PLAC1: variants seen among roughly 807,000 people sequenced by gnomAD.
PLAC1 encodes placenta-specific protein 1.
For missense variants in PLAC1, 136 were observed against 163.2 expected (o/e 0.83, Z 0.91); for synonymous variants, 68 against 62.1 (o/e 1.09, Z -0.44).
chrX:134,732,397 C>T (rs764662096), intron 2 of PLAC1, among the ~76,000 whole-genome samples: 1 of 111,665 alleles, frequency 9.0e-6, no homozygotes, highest in Admixed American at 9.5e-5. Context: ...AAGTTCCAGG[C>T]CTGCCAGATC....
At chrX:134,650,950 G>A (rs182324547) in intron 1 of PLAC1, 22 of 211,928 alleles carry the variant, frequency 1.0e-4, no homozygotes, top group Non-Finnish European at 1.5e-4. Context: ...GCTCAGCTCA[G>A]GGAGCTGAAT....
At chrX:134,666,004 A>G (rs1009075400) in intron 2 of PLAC1, among the ~76,000 whole-genome samples, 9 of 110,932 alleles carry the variant, frequency 8.1e-5, no homozygotes, top group African/African-American at 3.0e-4. Flanking sequence ...AAGTAACCAC[A>G]CTCCTTTCAG....
chrX:134,629,891 A>AAATTCTC (rs2078252120), intron 1 of PLAC1, among the ~76,000 whole-genome samples: 2 of 111,471 alleles, frequency 1.8e-5, no homozygotes, highest in Admixed American at 1.9e-4. Context: ...TTTGGACCAA[A>AAATTCTC]AATTCTCACC....
intron 1 of PLAC1, among the ~76,000 whole-genome samples, chrX:134,760,659 A>G (rs2147855023): frequency 9.0e-6 from 1 of 111,061 alleles, no homozygotes; most frequent in East Asian, 2.8e-4. Context: ...GTTAAGGTAC[A>G]TAACAATACC....
At chrX:134,646,826 C>A (rs1569396586) in intron 1 of PLAC1, among the ~76,000 whole-genome samples, 1 of 112,127 alleles carries the variant, frequency 8.9e-6, no homozygotes, top group Non-Finnish European at 1.9e-5. Context: ...AGAGTGCCGA[C>A]TGTGCAGGGA....
intron 2 of PLAC1, among the ~76,000 whole-genome samples, chrX:134,574,055 TTC>T (rs1329519488): frequency 1.9e-5 from 2 of 105,155 alleles, no homozygotes; most frequent in Non-Finnish European, 3.9e-5. Context: ...AAGATAAATT[TTC>T]TCTCTCTCTC....
At chrX:134,762,035 A>G (rs1484975525) in intron 1 of PLAC1, among the ~76,000 whole-genome samples, 4 of 111,540 alleles carry the variant, frequency 3.6e-5, no homozygotes, top group Non-Finnish European at 7.5e-5. Flanking sequence ...CACAAACGCA[A>G]TCAACCCAAG....
chrX:134,689,632 A>G lies in PLAC1; in HGVS notation n.174+43803T>C, dbSNP rs760790597. ...ACTGACAGAGTTGGGAGACCTGGATATCAGTACTGGCCCTGCCACTGACTC... is the reference window on the plus strand; with the variant it reads ...ACTGACAGAGTTGGGAGACCTGGATGTCAGTACTGGCCCTGCCACTGACTC... On this transcript the variant is annotated intron_variant and non_coding_transcript_variant, in intron 2 of 2. Transcript: ENST00000466797. Among the ~76,000 whole-genome samples, 3 of 111,511 alleles carry G rather than the reference A, an allele frequency of 2.7e-5. No individual in the cohort carries two copies. The South Asian group carries it at 1.2e-3, about 43-fold the overall frequency.
At chrX:134,577,289 TG>T (rs1412662345) in intron 2 of PLAC1, among the ~76,000 whole-genome samples, 2 of 111,353 alleles carry the variant, frequency 1.8e-5, no homozygotes, top group African/African-American at 6.5e-5. Flanking sequence ...AAACCTAGAG[TG>T]AAACTAAGAT....
chrX:134,736,875 G>C (rs1254047942), intron 1 of PLAC1, among the ~76,000 whole-genome samples: 1 of 112,230 alleles, frequency 8.9e-6, no homozygotes, highest in African/African-American at 3.2e-5. Context: ...GTGGACACCA[G>C]GACACCACAA....
intron 2 of PLAC1, among the ~76,000 whole-genome samples, chrX:134,581,225 C>T (rs930735757): frequency 9.0e-6 from 1 of 111,246 alleles, no homozygotes; most frequent in East Asian, 2.8e-4. Flanking sequence ...AATCAATGGG[C>T]AATGTCTCAT....
At chrX:134,568,107 TC>T (rs1372291387) in intron 2 of PLAC1, among the ~76,000 whole-genome samples, 1 of 111,961 alleles carries the variant, frequency 8.9e-6, no homozygotes, top group Non-Finnish European at 1.9e-5. Flanking sequence ...AGCAACATCA[TC>T]CAATGTTTTC....
intron 1 of PLAC1, among the ~76,000 whole-genome samples, chrX:134,611,668 T>C (rs1037383701): frequency 9.1e-6 from 1 of 110,190 alleles, no homozygotes; most frequent in African/African-American, 3.3e-5. Flanking sequence ...CGCAAAAGAA[T>C]GAATAAGAGT....
intron 2 of PLAC1, among the ~76,000 whole-genome samples, chrX:134,667,124 G>T (rs1314681048): frequency 1.8e-5 from 2 of 112,013 alleles, no homozygotes; most frequent in African/African-American, 6.5e-5. Context: ...GACACCAAAA[G>T]CACAAGCAAC....
At chrX:134,657,305 T>G (rs765973261) in intron 1 of PLAC1, among the ~76,000 whole-genome samples, 2 of 112,396 alleles carry the variant, frequency 1.8e-5, no homozygotes, top group East Asian at 5.6e-4. Context: ...TTCAGTACCC[T>G]AATAAGCCCG....
intron 2 of PLAC1, among the ~76,000 whole-genome samples, chrX:134,725,760 A>C (rs1211825008): frequency 2.7e-5 from 3 of 112,129 alleles, no homozygotes; most frequent in Non-Finnish European, 5.6e-5. Flanking sequence ...TGGGAGGCTC[A>C]GGTGGGCGGA....
At chrX:134,722,963 T>C (rs1273726018) in intron 2 of PLAC1, among the ~76,000 whole-genome samples, 3 of 105,870 alleles carry the variant, frequency 2.8e-5, no homozygotes, top group African/African-American at 1.1e-4. Context: ...CTGGGCAACA[T>C]AATGAGACTT....
chrX:134,761,565 A>G (rs960420275), intron 1 of PLAC1, among the ~76,000 whole-genome samples: 3 of 112,133 alleles, frequency 2.7e-5, no homozygotes, highest in Non-Finnish European at 5.6e-5. Context: ...CAATGTACAC[A>G]GTATCTCTGT....
intron 1 of PLAC1, among the ~76,000 whole-genome samples, chrX:134,622,278 C>T (rs1031316629): frequency 8.0e-5 from 9 of 111,854 alleles, no homozygotes; most frequent in African/African-American, 2.6e-4. Flanking sequence ...CATGGGCCCA[C>T]GGTGGGCTAC....
Sources: allele counts gnomAD v4.1 joint callset (sites outside exome capture counted in the v4.1 genomes callset), GRCh38; gene constraint gnomAD v4.1.1; transcripts MANE v1.5; gene names NCBI Gene and HGNC (gene_info 2026-07-23, HGNC 2026-07-21).